The following SLC35G2 variants were observed in gnomAD, a reference collection of about 807,000 sequenced individuals.
The protein encoded by SLC35G2 is transmembrane protein 22.
SLC35G2 carries 20 observed loss-of-function variants against 27.2 expected under a neutral mutation model. The observed-to-expected ratio is 0.74, with a 90% confidence interval of 0.52 to 1.07. The LOEUF is 1.07. SLC35G2 is among the 50% of genes least tolerant of loss of function. The pLI is 0.00. For synonymous variants in SLC35G2, 148 were observed against 165.3 expected, an observed-to-expected ratio of 0.90 and a Z score of 0.80; for missense variants, 416 against 493.3, an observed-to-expected ratio of 0.84 and a Z score of 1.48.
At chr3:136,848,479 C>T (rs1041497360) in intron 1 of SLC35G2, among the ~76,000 whole-genome samples, 1 of 151,856 alleles carries the variant, frequency 6.6e-6, no homozygotes, top group Non-Finnish European at 1.5e-5. Context: ...ATTAGGTAGG[C>T]GTGATGGCAG....
Position 136,854,727 on chromosome 3 carries a change from A to G in SLC35G2, c.267A>G (p.Gln89=). ...TEDPMINEIG[Q]FQSFAEKNIF... is the part of the protein sequence containing the mutation. ...ACCCAATGATCAATGAGATTGGACA[A>G]TTCCAGAGCTTTGCAGAAAAAAACA... The change falls in exon 2 of 2, where the codon CAA becomes CAG. Residue 89 remains glutamine, a synonymous_variant. Coordinates refer to ENST00000446465, the MANE Select transcript of SLC35G2 (RefSeq NM_025246.3). The G allele has an allele frequency of 6.2e-7, 1 of 1,614,192 alleles. No homozygotes were observed. Among genetic ancestry groups the G allele is most frequent in the East Asian group, 2.2e-5 (1 of 44,890 alleles).
chr3:136,828,874 C>G (rs1261651871), intron 1 of SLC35G2, among the ~76,000 whole-genome samples: 3 of 152,024 alleles, frequency 2.0e-5, no homozygotes, highest in Non-Finnish European at 4.4e-5. Context: ...TAATTTCTTG[C>G]TTTGTGTGTG....
chr3:136,826,659 T>A (rs1936593099), intron 1 of SLC35G2, among the ~76,000 whole-genome samples: 1 of 152,126 alleles, frequency 6.6e-6, no homozygotes, highest in Non-Finnish European at 1.5e-5. Flanking sequence ...ATTTATTTTT[T>A]TGAGATGTGG....
chr3:136,836,354 C>G (rs1458921598), intron 1 of SLC35G2, among the ~76,000 whole-genome samples: 1 of 152,124 alleles, frequency 6.6e-6, no homozygotes, highest in Non-Finnish European at 1.5e-5. Flanking sequence ...TTTTATGTAA[C>G]CAATCTCCTG....
At chr3:136,849,756 G>A (rs1308567039) in intron 1 of SLC35G2, among the ~76,000 whole-genome samples, 1 of 150,790 alleles carries the variant, frequency 6.6e-6, no homozygotes, top group African/African-American at 2.4e-5. Flanking sequence ...GCCTCCCAAA[G>A]TGCTGGAATT....
At chr3:136,827,399 C>A (rs1431148161) in intron 1 of SLC35G2, among the ~76,000 whole-genome samples, 2 of 151,480 alleles carry the variant, frequency 1.3e-5, no homozygotes, top group Non-Finnish European at 1.5e-5. Flanking sequence ...TTTTTTATAG[C>A]GATGAGGTTT....
chr3:136,842,274 C>T (rs980329652), intron 1 of SLC35G2: 2 of 152,156 alleles, frequency 1.3e-5, no homozygotes, highest in African/African-American at 4.8e-5. Context: ...CTTGTTTTGT[C>T]CTTTTGAGTG....
At chr3:136,835,101 A>G (rs748970278) in intron 1 of SLC35G2, among the ~76,000 whole-genome samples, 3 of 152,212 alleles carry the variant, frequency 2.0e-5, no homozygotes, top group Non-Finnish European at 4.4e-5. Flanking sequence ...TAATTCCACT[A>G]TCTAATCCAC....
intron 1 of SLC35G2, among the ~76,000 whole-genome samples, chr3:136,846,349 C>T (rs1045730396): frequency 6.6e-6 from 1 of 152,184 alleles, no homozygotes; most frequent in African/African-American, 2.4e-5. Context: ...ACTGGATGTG[C>T]CCATTGTTCA....
At chr3:136,825,145 T>C (rs1936553367) in intron 1 of SLC35G2, among the ~76,000 whole-genome samples, 1 of 152,094 alleles carries the variant, frequency 6.6e-6, no homozygotes. Context: ...TGAATAACAG[T>C]GGTGAAAGTG....
intron 1 of SLC35G2, among the ~76,000 whole-genome samples, chr3:136,833,428 T>C (rs1474038357): frequency 6.6e-6 from 1 of 152,170 alleles, no homozygotes; most frequent in Non-Finnish European, 1.5e-5. Context: ...AATCAGAAAC[T>C]GTACTATTTG....
chr3:136,852,110 A>T (rs997760270), intron 1 of SLC35G2, among the ~76,000 whole-genome samples: 2 of 152,212 alleles, frequency 1.3e-5, no homozygotes, highest in Admixed American at 6.5e-5. Context: ...AGGGAAAAAA[A>T]TCTATTTGGG....
chr3:136,841,720 A>C (rs904204438), intron 1 of SLC35G2: 1 of 147,634 alleles, frequency 6.8e-6, no homozygotes, highest in Non-Finnish European at 1.5e-5. Context: ...AACAAGAGTG[A>C]AACTCCGCCT....
intron 1 of SLC35G2, chr3:136,820,053 G>T (rs1424534234): frequency 1.3e-5 from 2 of 152,302 alleles, no homozygotes; most frequent in Non-Finnish European, 2.9e-5. Context: ...AAAGAGACTC[G>T]TGTTGCGGCG....
At chr3:136,851,024 G>C (rs965428060) in intron 1 of SLC35G2, among the ~76,000 whole-genome samples, 2 of 152,216 alleles carry the variant, frequency 1.3e-5, no homozygotes, top group South Asian at 4.2e-4. Flanking sequence ...TGGGCACAGT[G>C]ACTAGAAACA....
At chr3:136,851,760 A>G (rs946456796) in intron 1 of SLC35G2, among the ~76,000 whole-genome samples, 3 of 152,122 alleles carry the variant, frequency 2.0e-5, no homozygotes, top group Admixed American at 1.3e-4. Context: ...GAATGGGGAA[A>G]GCTTGAGAAG....
rs930696831 is a variant in SLC35G2, at chr3:136,855,841, C to T, written c.*142C>T. ...TATATACAAATGCAGAAAATTTATTCTAGTCTAATATATTCAAATACAAAT... is the reference window on the plus strand; with the variant it reads ...TATATACAAATGCAGAAAATTTATTTTAGTCTAATATATTCAAATACAAAT... On this transcript the variant is annotated 3_prime_UTR_variant, in exon 2 of 2. Transcript: ENST00000446465. 3.3e-6 allele frequency: 2 copies of T among 614,930 alleles called. No homozygotes were observed. Among genetic ancestry groups the T allele is most frequent in the African/African-American group, 3.7e-5 (2 of 53,792 alleles). 38.1% of individuals were successfully genotyped at this position (614,930 alleles called of 1,614,324 possible).
chr3:136,836,234 C>T (rs764245783), intron 1 of SLC35G2, among the ~76,000 whole-genome samples: 6 of 152,158 alleles, frequency 3.9e-5, no homozygotes, highest in Non-Finnish European at 7.4e-5. Context: ...TCCAACACTA[C>T]AGGGTTCATT....
chr3:136,830,132 C>T (rs13083849), intron 1 of SLC35G2, among the ~76,000 whole-genome samples: 2 of 109,398 alleles, frequency 1.8e-5, no homozygotes, highest in Admixed American at 1.3e-4. Context: ...TTTTTTGAGA[C>T]GGAGTCTCCC....
Sources: gnomAD v4.1 joint callset for allele counts (sites outside exome capture counted in the v4.1 genomes callset) on GRCh38, gnomAD v4.1.1 for gene constraint, MANE v1.5 for transcripts, NCBI Gene and HGNC (gene_info 2026-07-23, HGNC 2026-07-21) for gene names.